Variants in NPAS2 observed in about 807,000 individuals in gnomAD.
The protein encoded by NPAS2 is neuronal PAS domain protein 2, also known as neuronal PAS domain-containing protein 2.
NPAS2 carries 23 observed loss-of-function variants against 107.5 expected under a neutral mutation model. The observed-to-expected ratio is 0.21, with a 90% confidence interval of 0.15 to 0.30. The LOEUF (loss-of-function observed/expected upper bound fraction) is 0.30, where lower values mean the gene tolerates loss of function less well. Among genes scored for constraint, NPAS2 ranks in the 10% least tolerant of loss-of-function variants. The probability of loss-of-function intolerance (pLI) is 1.00; values close to 1 mark genes in which losing one functional copy is unlikely to be tolerated. For synonymous variants in NPAS2, 403 were observed against 417.5 expected (o/e 0.97, Z 0.42); for missense variants, 756 against 1,043.3 (o/e 0.72, Z 3.79).
intron 1 of NPAS2, among the ~76,000 whole-genome samples, chr2:100,876,063 A>G (rs1446821520): frequency 6.6e-6 from 1 of 152,104 alleles, no homozygotes; most frequent in Non-Finnish European, 1.5e-5. Context: ...GCTTTTCTCT[A>G]CCTTTACCAC....
At chr2:100,915,351 C>G (rs1682816120) in intron 2 of NPAS2, among the ~76,000 whole-genome samples, 1 of 152,156 alleles carries the variant, frequency 6.6e-6, no homozygotes, top group South Asian at 2.1e-4. Flanking sequence ...ATAGAGCCAG[C>G]TTTCTGGCCA....
chr2:100,974,031 G>A (rs1159444685), intron 12 of NPAS2, among the ~76,000 whole-genome samples: 6 of 152,034 alleles, frequency 3.9e-5, no homozygotes, highest in Non-Finnish European at 8.8e-5. Flanking sequence ...TAGTAAAGAC[G>A]ATGTTTCACC....
At chr2:100,936,508 G>A (rs1684308714) in intron 4 of NPAS2, among the ~76,000 whole-genome samples, 2 of 152,178 alleles carry the variant, frequency 1.3e-5, no homozygotes, top group Non-Finnish European at 2.9e-5. Context: ...TTTCTGGAGA[G>A]GTAGGCTTCA....
chr2:100,920,990 C>T (rs1466984693), intron 2 of NPAS2, among the ~76,000 whole-genome samples: 1 of 152,244 alleles, frequency 6.6e-6, no homozygotes, highest in Non-Finnish European at 1.5e-5. Flanking sequence ...ACACCAGCCT[C>T]CTGTTAGTGT....
At chr2:100,947,341 A>G (rs1674961019) in intron 5 of NPAS2, among the ~76,000 whole-genome samples, 1 of 152,156 alleles carries the variant, frequency 6.6e-6, no homozygotes, top group Non-Finnish European at 1.5e-5. Flanking sequence ...ACCTGAGGTC[A>G]GGAGTTCAAG....
intron 1 of NPAS2, among the ~76,000 whole-genome samples, chr2:100,850,858 C>G (rs950507847): frequency 7.1e-6 from 1 of 140,152 alleles, no homozygotes; most frequent in African/African-American, 2.7e-5. Context: ...GAGGCTGAGG[C>G]AGGAGAATCA....
rs1684245138 is a variant in NPAS2 at position 100,935,474 on chromosome 2, C to G, written c.274-2279C>G. ...CAATCACTTGCTGTTGAATCCCTTT[C>G]AGATGCTACTGATGGGACTTCCAGA... On this transcript the variant is annotated intron_variant, in intron 4 of 20. Transcript: ENST00000335681. 2.0e-5 allele frequency among the ~76,000 whole-genome samples: 3 copies of G among 152,230 alleles called. No homozygotes were observed. In the South Asian group the frequency reaches 6.2e-4, roughly 32 times the overall value.
intron 1 of NPAS2, among the ~76,000 whole-genome samples, chr2:100,821,717 T>C (rs964314463): frequency 1.3e-5 from 2 of 152,178 alleles, no homozygotes; most frequent in African/African-American, 4.8e-5. Flanking sequence ...GCTGCCCTCC[T>C]TGGGAGGCAC....
intron 1 of NPAS2, among the ~76,000 whole-genome samples, chr2:100,891,144 A>G (rs1206160954): frequency 1.3e-5 from 2 of 151,736 alleles, no homozygotes; most frequent in Admixed American, 1.3e-4. Context: ...AGGCAGGAGA[A>G]TGGCGTGAAC....
At chr2:100,914,379 G>A (rs556146647) in intron 2 of NPAS2, among the ~76,000 whole-genome samples, 5 of 152,180 alleles carry the variant, frequency 3.3e-5, no homozygotes, top group African/African-American at 1.2e-4. Flanking sequence ...CGCCTGAGGT[G>A]CACATCTACT....
chr2:100,957,893 A>T (rs1038611425), intron 7 of NPAS2, among the ~76,000 whole-genome samples: 1 of 151,960 alleles, frequency 6.6e-6, no homozygotes, highest in African/African-American at 2.4e-5. Context: ...GCGCCACTGC[A>T]CTCCAGCCTG....
chr2:100,991,202 C>T (rs1488686957), intron 19 of NPAS2, among the ~76,000 whole-genome samples: 1 of 152,196 alleles, frequency 6.6e-6, no homozygotes, highest in Non-Finnish European at 1.5e-5. Context: ...CCCAAGGACC[C>T]TCCCCCAGGC....
intron 1 of NPAS2, among the ~76,000 whole-genome samples, chr2:100,831,582 T>G (rs1676739496): frequency 6.6e-6 from 1 of 151,998 alleles, no homozygotes; most frequent in South Asian, 2.1e-4. Flanking sequence ...CAGATGGAAG[T>G]TTTTGTGTGA....
chr2:100,848,718 C>G (rs1485109228), intron 1 of NPAS2, among the ~76,000 whole-genome samples: 5 of 152,192 alleles, frequency 3.3e-5, no homozygotes, highest in African/African-American at 1.2e-4. Flanking sequence ...GAGGACATTC[C>G]CTGCTAGTCA....
rs546162493 is a variant in NPAS2 at position 100,947,736 on chromosome 2, C to T, written c.364-499C>T. 7.2e-5 allele frequency among the ~76,000 whole-genome samples: 11 copies of T among 152,256 alleles called. 1 individual carries two copies. Among genetic ancestry groups the T allele is most frequent in the African/African-American group, 2.6e-4 (11 of 41,532 alleles). On this transcript the variant is annotated intron_variant, in intron 5 of 20. Coordinates refer to ENST00000335681, the MANE Select transcript of NPAS2 (RefSeq NM_002518.4). Reference sequence around the variant, plus strand: ...ACTCTACCTTGTATTTATTTTGTAACCACAGTGCCAAGGCACTCAGAAGAA... The same window carrying T: ...ACTCTACCTTGTATTTATTTTGTAATCACAGTGCCAAGGCACTCAGAAGAA...
At chr2:100,862,802 T>A (rs898870583) in intron 1 of NPAS2, among the ~76,000 whole-genome samples, 1 of 152,182 alleles carries the variant, frequency 6.6e-6, no homozygotes, top group African/African-American at 2.4e-5. Flanking sequence ...GATGAGCTCT[T>A]CCTTTTACGG....
At chr2:100,861,301 C>G (rs923139022) in intron 1 of NPAS2, among the ~76,000 whole-genome samples, 1 of 152,068 alleles carries the variant, frequency 6.6e-6, no homozygotes, top group Non-Finnish European at 1.5e-5. Context: ...GGAGACAAAC[C>G]GGGGAGAACA....
chr2:100,993,437 G>A lies in NPAS2; in HGVS notation c.2202G>A (p.Gln734=), dbSNP rs772318572. The change falls in exon 20 of 21, where the codon CAG becomes CAA. Residue 734 remains glutamine, a synonymous_variant. Coordinates refer to ENST00000335681, the MANE Select transcript of NPAS2 (RefSeq NM_002518.4). ...CGATGCCCGTCCTGCTGATGGGGCA[G>A]GCGGTGCTCCACCCCAGCTTCCCTG... ...SAPMPVLLMG[Q]AVLHPSFPAS... 58 of 1,613,394 alleles carry A rather than the reference G, an allele frequency of 3.6e-5. No individual in the cohort carries two copies. Among genetic ancestry groups the A allele is most frequent in the Non-Finnish European group, 4.7e-5 (55 of 1,179,756 alleles).
chr2:100,954,900 C>T (rs1199567252), intron 7 of NPAS2, among the ~76,000 whole-genome samples: 5 of 150,688 alleles, frequency 3.3e-5, no homozygotes, highest in South Asian at 2.1e-4. Flanking sequence ...TTTTTTGAGA[C>T]GGAGTCTCGC....
Sources: gnomAD v4.1 joint callset for allele counts (sites outside exome capture counted in the v4.1 genomes callset) on GRCh38, gnomAD v4.1.1 for gene constraint, MANE v1.5 for transcripts, NCBI Gene and HGNC (gene_info 2026-07-23, HGNC 2026-07-21) for gene names.